The following KLHL26 variants were observed in gnomAD, a reference collection of about 807,000 sequenced individuals.
KLHL26 encodes kelch like family member 26.
Under a neutral mutation model 7.1 loss-of-function variants are expected in KLHL26, and 4 were observed. The observed-to-expected ratio is 0.56, with a 90% CI of 0.28 to 1.28. The LOEUF (loss-of-function observed/expected upper bound fraction) is 1.28, where lower values mean the gene tolerates loss of function less well. Among genes scored for constraint, KLHL26 ranks in the 50% most tolerant of loss-of-function variants. The pLI is 0.11. For missense variants in KLHL26, 896 were observed against 924.6 expected, an observed-to-expected ratio of 0.97 and a Z score of 0.40; for synonymous variants, 465 against 414.1, an observed-to-expected ratio of 1.12 and a Z score of -1.49.
intron 1 of KLHL26, among the ~76,000 whole-genome samples, chr19:18,653,168 G>A (rs2052278458): frequency 6.6e-6 from 1 of 152,034 alleles, no homozygotes; most frequent in Non-Finnish European, 1.5e-5. Flanking sequence ...GAGCTAAACA[G>A]CAGGAAGAGC....
intron 1 of KLHL26, among the ~76,000 whole-genome samples, chr19:18,654,361 C>T (rs1240290741): frequency 1.3e-5 from 2 of 149,898 alleles, no homozygotes; most frequent in Non-Finnish European, 3.0e-5. Context: ...CATCTGCCCA[C>T]TCATCCACCA....
chr19:18,642,456 G>A (rs990886550), intron 1 of KLHL26, among the ~76,000 whole-genome samples: 1 of 151,416 alleles, frequency 6.6e-6, no homozygotes, highest in Non-Finnish European at 1.5e-5. Flanking sequence ...CACCTCCCGG[G>A]CTCAAGCAAC....
intron 1 of KLHL26, among the ~76,000 whole-genome samples, chr19:18,653,166 C>T (rs1008905890): frequency 6.6e-6 from 1 of 152,038 alleles, no homozygotes; most frequent in Non-Finnish European, 1.5e-5. Flanking sequence ...TGGAGCTAAA[C>T]AGCAGGAAGA....
chr19:18,638,477 T>A (rs1158095822), intron 1 of KLHL26, among the ~76,000 whole-genome samples: 2 of 152,142 alleles, frequency 1.3e-5, no homozygotes, highest in Non-Finnish European at 2.9e-5. Flanking sequence ...GAGGTGTGTG[T>A]CCAGAGGGGT....
Position 18,669,097 on chromosome 19 carries a change from ACAACTGG to A in KLHL26, c.1702_1708del (p.Asn568ValfsTer32). 6.2e-7 allele frequency: 1 copy of A among 1,612,900 alleles called. No individual in the cohort carries two copies. Among genetic ancestry groups the A allele is most frequent in the Non-Finnish European group, 8.5e-7 (1 of 1,179,948 alleles). On this transcript the variant is annotated frameshift_variant, in exon 3 of 3. Coordinates refer to ENST00000300976, the MANE Select transcript of KLHL26 (RefSeq NM_018316.3). LOFTEE classifies it high-confidence loss of function. ...AGGAAGATCTACATCGTCGGGGGCT[ACAACTGG>A]CGTCTCAACAACGTCACGGGCATCG... is the stretch of plus-strand genomic sequence containing the variant.
At chr19:18,664,205 GTAA>G in intron 1 of KLHL26, 53 bp from the exon 2 acceptor site, 1 of 1,485,888 alleles carries the variant, frequency 6.7e-7, no homozygotes. Context: ...TGTGTTCAAG[GTAA>G]TAGTGTGTGT....
At chr19:18,652,519 G>A (rs2145387251) in intron 1 of KLHL26, among the ~76,000 whole-genome samples, 1 of 149,590 alleles carries the variant, frequency 6.7e-6, no homozygotes, top group African/African-American at 2.5e-5. Context: ...GAACCTGGGA[G>A]GTGGAGGTTG....
intron 1 of KLHL26, among the ~76,000 whole-genome samples, chr19:18,642,338 AGTGTGTGTGTGTGTGTGTGTGT>A (rs1204260630): frequency 3.2e-5 from 4 of 123,804 alleles, no homozygotes; most frequent in Non-Finnish European, 6.6e-5. Flanking sequence ...CTAGTCACCT[AGTGTGTGTGTGTGTGTGTGTGT>A]GTGTGTGTGT....
chr19:18,667,405 G>GA, intron 2 of KLHL26: 1 of 553,316 alleles, frequency 1.8e-6, no homozygotes, highest in Admixed American at 3.2e-5. Context: ...ACCCAGGCTG[G>GA]AGTGCAGTGC....
At chr19:18,665,963 G>A (rs1028351434) in intron 2 of KLHL26, among the ~76,000 whole-genome samples, 4 of 152,216 alleles carry the variant, frequency 2.6e-5, no homozygotes, top group African/African-American at 7.2e-5. Flanking sequence ...CTGGGGCGCC[G>A]CTTCTATTTT....
In KLHL26 at chr19:18,669,486, A is replaced by AT; in HGVS notation, c.*243dup. ...AGCGTCTGACATGTGGTGGCAGCAA[A>AT]TTCGTCCCCGGGGTGGTTTCCTCGC... On this transcript the variant is annotated 3_prime_UTR_variant, in exon 3 of 3. Coordinates refer to ENST00000300976, the MANE Select transcript of KLHL26 (RefSeq NM_018316.3). The AT allele has an allele frequency of 1.8e-6, 1 of 570,572 alleles. No homozygotes were observed. The allele number at this position is 570,572 out of a possible 1,614,324, so 35.3% of individuals were successfully genotyped here.
At chr19:18,652,536 G>C (rs2052271546) in intron 1 of KLHL26, among the ~76,000 whole-genome samples, 1 of 145,928 alleles carries the variant, frequency 6.9e-6, no homozygotes, top group Non-Finnish European at 1.5e-5. Flanking sequence ...GTTGCAGAGA[G>C]CTGAGATCAC....
At chr19:18,654,087 T>C (rs1192409632) in intron 1 of KLHL26, among the ~76,000 whole-genome samples, 5 of 100,718 alleles carry the variant, frequency 5.0e-5, no homozygotes, top group Admixed American at 9.5e-5. Context: ...ACCCACCCTT[T>C]CATCAGGCCA....
In KLHL26 at chr19:18,655,845, T is replaced by G. The variant is rs2052326540; in HGVS notation, c.84-8416T>G. Among the ~76,000 whole-genome samples the G allele has an allele frequency of 2.2e-5, 3 of 138,066 alleles. No homozygotes were observed. The South Asian group carries it at 6.5e-4, about 30-fold the overall frequency. The allele number at this position is 138,066 out of a possible 152,430, so 90.6% of individuals were successfully genotyped here. On this transcript the variant is annotated intron_variant, in intron 1 of 2. Transcript: ENST00000300976. ...CGGGATGGGGGCGCTGTGCATAATG[T>G]CTTCCTGTCCATTGGCCGCAGTCAG...
chr19:18,661,549 G>A (rs529700114), intron 1 of KLHL26, among the ~76,000 whole-genome samples: 1 of 152,222 alleles, frequency 6.6e-6, no homozygotes, highest in South Asian at 2.1e-4. Context: ...GTCATCCCCT[G>A]CATGCAACAT....
intron 1 of KLHL26, chr19:18,659,914 C>G (rs922037277): frequency 2.6e-5 from 4 of 152,390 alleles, no homozygotes; most frequent in Admixed American, 2.6e-4. Context: ...TGACCTCCCC[C>G]ACGAGGCCAT....
chr19:18,641,421 C>T (rs1033624281), intron 1 of KLHL26, among the ~76,000 whole-genome samples: 1 of 149,078 alleles, frequency 6.7e-6, no homozygotes, highest in African/African-American at 2.5e-5. Flanking sequence ...TGGGTTCAAG[C>T]GATTTTCATG....
intron 1 of KLHL26, among the ~76,000 whole-genome samples, chr19:18,654,574 C>T (rs1300323553): frequency 6.6e-6 from 1 of 151,420 alleles, no homozygotes; most frequent in Non-Finnish European, 1.5e-5. Context: ...TCCATCTACC[C>T]ACCCAGCTAT....
intron 1 of KLHL26, among the ~76,000 whole-genome samples, chr19:18,651,760 A>G (rs2052260581): frequency 6.6e-6 from 1 of 152,288 alleles, no homozygotes; most frequent in Non-Finnish European, 1.5e-5. Flanking sequence ...AGAATTCAGC[A>G]GTGCTAGAAT....
Sources: allele counts gnomAD v4.1 joint callset (sites outside exome capture counted in the v4.1 genomes callset), GRCh38; gene constraint gnomAD v4.1.1; transcripts MANE v1.5; gene names NCBI Gene and HGNC (gene_info 2026-07-23, HGNC 2026-07-21).